Variants in OPN5 observed in about 807,000 individuals in gnomAD.
OPN5 encodes the protein opsin-5.
Under a neutral mutation model 41.7 loss-of-function variants are expected in OPN5, and 18 were observed. The observed-to-expected ratio is 0.43, with a 90% CI of 0.30 to 0.64. The LOEUF (loss-of-function observed/expected upper bound fraction) is 0.64. Ranked by LOEUF, OPN5 falls within the 30% of genes least tolerant of loss-of-function variation. The probability of loss-of-function intolerance (pLI) is 0.13; values close to 1 mark genes in which losing one functional copy is unlikely to be tolerated. For missense variants in OPN5, 318 were observed against 434.5 expected (o/e 0.73, Z 2.38); for synonymous variants, 178 against 164.3 (o/e 1.08, Z -0.64).
chr6:47,816,602 ACAAT>A (rs1399987316), intron 6 of OPN5, among the ~76,000 whole-genome samples: 1 of 152,108 alleles, frequency 6.6e-6, no homozygotes, highest in Non-Finnish European at 1.5e-5. Flanking sequence ...TTTCTTCCAA[ACAAT>A]ACCTAGAGCA....
chr6:47,798,880 G>C (rs1300455811), intron 4 of OPN5, among the ~76,000 whole-genome samples: 2 of 152,040 alleles, frequency 1.3e-5, no homozygotes, highest in African/African-American at 2.4e-5. Flanking sequence ...TACTGCTCAG[G>C]ATTGTCAAAT....
At chr6:47,802,484 T>A (rs779265047) in intron 4 of OPN5, among the ~76,000 whole-genome samples, 2 of 152,176 alleles carry the variant, frequency 1.3e-5, no homozygotes, top group Non-Finnish European at 2.9e-5. Flanking sequence ...GGGCCTTAGT[T>A]TTCTCATCTG....
chr6:47,810,151 A>G (rs1774134276), intron 5 of OPN5, among the ~76,000 whole-genome samples: 1 of 152,200 alleles, frequency 6.6e-6, no homozygotes, highest in Non-Finnish European at 1.5e-5. Flanking sequence ...GAAATATAGC[A>G]ATTGCTCTGC....
intron 4 of OPN5, among the ~76,000 whole-genome samples, chr6:47,807,161 A>G (rs958206978): frequency 6.6e-6 from 1 of 152,158 alleles, no homozygotes; most frequent in Non-Finnish European, 1.5e-5. Flanking sequence ...TCATCTCAAA[A>G]AAGAAACGCC....
chr6:47,792,067 A>T, intron 3 of OPN5, 95 bp downstream of exon 3: 3 of 802,636 alleles, frequency 3.7e-6, no homozygotes, highest in Non-Finnish European at 6.1e-6. Context: ...AACAAAGATT[A>T]TGAATAACCT....
At chr6:47,786,754 C>T in intron 2 of OPN5, 120 bp downstream of exon 2, 2 of 847,364 alleles carry the variant, frequency 2.4e-6, no homozygotes, top group Non-Finnish European at 3.6e-6. Context: ...CCACTCTTCG[C>T]TTCACAAATC....
intron 6 of OPN5, among the ~76,000 whole-genome samples, chr6:47,812,929 C>G (rs893553330): frequency 6.6e-6 from 1 of 152,174 alleles, no homozygotes; most frequent in Admixed American, 6.5e-5. Flanking sequence ...CTCCAAGGCT[C>G]AACCTCAGTA....
intron 6 of OPN5, among the ~76,000 whole-genome samples, chr6:47,818,199 A>C (rs1049062099): frequency 2.0e-5 from 3 of 152,184 alleles, no homozygotes; most frequent in Non-Finnish European, 4.4e-5. Context: ...CTAATTAGTT[A>C]GAGGGGGAAA....
chr6:47,791,562 A>G (rs945728072), intron 2 of OPN5, among the ~76,000 whole-genome samples: 2 of 152,158 alleles, frequency 1.3e-5, no homozygotes, highest in African/African-American at 4.8e-5. Flanking sequence ...TTCCTTCTAT[A>G]TCCTTTCACT....
chr6:47,818,950 A>G (rs779689500), intron 6 of OPN5, among the ~76,000 whole-genome samples: 3 of 152,228 alleles, frequency 2.0e-5, no homozygotes, highest in South Asian at 2.1e-4. Context: ...TTCCTGTCTC[A>G]TTCTGGGTTG....
At chr6:47,794,669 C>T (rs542359324) in intron 3 of OPN5, 75 of 152,642 alleles carry the variant, frequency 4.9e-4, no homozygotes, top group Non-Finnish European at 8.5e-4. Flanking sequence ...GTGTGAATGA[C>T]GTTTGAAGAT....
intron 4 of OPN5, among the ~76,000 whole-genome samples, chr6:47,807,830 C>G (rs1483616318): frequency 1.3e-5 from 2 of 151,490 alleles, no homozygotes; most frequent in Non-Finnish European, 2.9e-5. Context: ...GTTGAGAAGT[C>G]CAGAAATATT....
intron 4 of OPN5, 103 bp downstream of exon 4, chr6:47,795,666 A>G: frequency 1.3e-6 from 1 of 760,574 alleles, no homozygotes; most frequent in Non-Finnish European, 2.2e-6. Context: ...TAGAATCTCT[A>G]TTCTTTACGT....
At chr6:47,819,931 A>G (rs866877819) in intron 6 of OPN5, among the ~76,000 whole-genome samples, 14 of 152,242 alleles carry the variant, frequency 9.2e-5, no homozygotes, top group Admixed American at 3.9e-4. Context: ...AAGCTACAAT[A>G]TTATTAAGTT....
chr6:47,822,932 T>C (rs1205923885), intron 6 of OPN5, among the ~76,000 whole-genome samples: 1 of 152,204 alleles, frequency 6.6e-6, no homozygotes, highest in African/African-American at 2.4e-5. Context: ...GATAAGACTT[T>C]CCTCTCCTGT....
chr6:47,813,880 C>T (rs868813778), intron 6 of OPN5, among the ~76,000 whole-genome samples: 1 of 151,910 alleles, frequency 6.6e-6, no homozygotes, highest in African/African-American at 2.4e-5. Context: ...ATAACGGTGT[C>T]TACCGAGGGG....
chr6:47,821,161 G>A (rs1192715965), intron 6 of OPN5, among the ~76,000 whole-genome samples: 2 of 152,172 alleles, frequency 1.3e-5, no homozygotes, highest in Non-Finnish European at 2.9e-5. Context: ...GGAAGTGGAA[G>A]GGGAGGCAGG....
chr6:47,816,392 T>C (rs1266153918), intron 6 of OPN5, among the ~76,000 whole-genome samples: 2 of 152,172 alleles, frequency 1.3e-5, no homozygotes, highest in African/African-American at 2.4e-5. Context: ...TCTGTTCCCC[T>C]GATGAGGAGA....
Position 47,782,197 on chromosome 6 carries a change from G to A in OPN5, c.130+1G>A, listed in dbSNP as rs777670984. The A allele has an allele frequency of 6.2e-7, 1 of 1,612,732 alleles. No individual in the cohort carries two copies. The highest frequency in any genetic ancestry group is 8.5e-7 in the Non-Finnish European group (1 of 1,179,514). On this transcript the variant is annotated splice_donor_variant, in intron 1 of 6. Transcript: ENST00000371211. LOFTEE classifies it high-confidence loss of function. ...GCTGGCTTTTACCTAACAATAATTGGTAAGCTTCCTTAATTCTTCTGTGCA... is the reference window on the plus strand; with the variant it reads ...GCTGGCTTTTACCTAACAATAATTGATAAGCTTCCTTAATTCTTCTGTGCA...
Sources: gnomAD v4.1 joint callset for allele counts (sites outside exome capture counted in the v4.1 genomes callset) on GRCh38, gnomAD v4.1.1 for gene constraint, MANE v1.5 for transcripts, NCBI Gene and HGNC (gene_info 2026-07-23, HGNC 2026-07-21) for gene names.